The following MAML3 variants were observed in gnomAD, a reference collection of about 807,000 sequenced individuals.
MAML3 encodes mastermind-like protein 3.
In MAML3, 27 loss-of-function variants were observed where a neutral mutation model predicts 101.9. The ratio of observed to expected loss-of-function variants is 0.27; its 90% CI spans 0.20 to 0.37. The LOEUF is 0.37. Among genes scored for constraint, MAML3 ranks in the 10% least tolerant of loss-of-function variants. The probability of loss-of-function intolerance (pLI) is 1.00; values close to 1 mark genes in which losing one functional copy is unlikely to be tolerated. For missense variants in MAML3, 1,316 were observed against 1,444.9 expected (o/e 0.91, Z 1.45); for synonymous variants, 501 against 555.9 (o/e 0.90, Z 1.39).
At chr4:140,129,416 G>T (rs1169059961) in intron 1 of MAML3, among the ~76,000 whole-genome samples, 1 of 152,104 alleles carries the variant, frequency 6.6e-6, no homozygotes, top group Non-Finnish European at 1.5e-5. Context: ...TACCTTCTTT[G>T]CATGAGACAC....
At chr4:139,853,787 G>A (rs1007646418) in intron 2 of MAML3, among the ~76,000 whole-genome samples, 2 of 152,018 alleles carry the variant, frequency 1.3e-5, no homozygotes, top group Admixed American at 1.3e-4. Context: ...TACCAGCTAT[G>A]AGCAGCTATG....
chr4:139,958,727 A>G (rs1175788214), intron 1 of MAML3, among the ~76,000 whole-genome samples: 1 of 152,192 alleles, frequency 6.6e-6, no homozygotes, highest in Non-Finnish European at 1.5e-5. Flanking sequence ...TCTGTGGTCC[A>G]TAGAACTCCA....
intron 1 of MAML3, among the ~76,000 whole-genome samples, chr4:139,975,474 CCTT>C (rs1479544994): frequency 6.6e-6 from 1 of 152,162 alleles, no homozygotes; most frequent in Non-Finnish European, 1.5e-5. Context: ...CCATATACCT[CCTT>C]ATCTCCCTTC....
chr4:139,732,098 C>G (rs146956284), intron 2 of MAML3, among the ~76,000 whole-genome samples: 28 of 152,280 alleles, frequency 1.8e-4, no homozygotes, highest in South Asian at 1.0e-3. Context: ...ATTATGAGAC[C>G]TAAATAGCAA....
chr4:139,891,480 G>T (rs563713483), intron 1 of MAML3, among the ~76,000 whole-genome samples: 103 of 152,222 alleles, frequency 6.8e-4, no homozygotes, highest in African/African-American at 2.4e-3. Flanking sequence ...GTTTCACCCT[G>T]TTGGCTAGGC....
chr4:139,858,795 C>G (rs762920538), intron 2 of MAML3, among the ~76,000 whole-genome samples: 1 of 152,096 alleles, frequency 6.6e-6, no homozygotes, highest in African/African-American at 2.4e-5. Context: ...ACTAACCCTG[C>G]GAACACATCC....
At chr4:139,803,617 AAAG>A (rs1283107996) in intron 2 of MAML3, among the ~76,000 whole-genome samples, 1 of 152,168 alleles carries the variant, frequency 6.6e-6, no homozygotes, top group Non-Finnish European at 1.5e-5. Context: ...GTGGCAGCTG[AAAG>A]TTACTAATAC....
intron 1 of MAML3, among the ~76,000 whole-genome samples, chr4:140,089,286 T>A (rs1210861770): frequency 2.6e-5 from 4 of 152,192 alleles, no homozygotes; most frequent in Non-Finnish European, 5.9e-5. Flanking sequence ...AAGGCTTAGT[T>A]TGCTTGATCA....
intron 1 of MAML3, among the ~76,000 whole-genome samples, chr4:139,918,757 A>G (rs1451510902): frequency 6.6e-6 from 1 of 152,172 alleles, no homozygotes; most frequent in Non-Finnish European, 1.5e-5. Flanking sequence ...GGAATGAAAG[A>G]ATAAGTGATT....
intron 1 of MAML3, among the ~76,000 whole-genome samples, chr4:140,039,670 A>G (rs1727048647): frequency 6.6e-6 from 1 of 152,166 alleles, no homozygotes; most frequent in African/African-American, 2.4e-5. Context: ...ACTGCCCTGC[A>G]ATGCTGTCTG....
chr4:139,851,382 C>T (rs192124272), intron 2 of MAML3, among the ~76,000 whole-genome samples: 6 of 152,354 alleles, frequency 3.9e-5, no homozygotes, highest in East Asian at 1.9e-4. Context: ...AAGGCCAGCT[C>T]CTATTGGCTC....
At chr4:140,148,941 G>C (rs1346852795) in intron 1 of MAML3, among the ~76,000 whole-genome samples, 2 of 152,270 alleles carry the variant, frequency 1.3e-5, no homozygotes, top group Middle Eastern at 3.4e-3. Context: ...ACAGTGAAGA[G>C]GTCATGAAAA....
chr4:140,029,932 A>G (rs1158487432), intron 1 of MAML3, among the ~76,000 whole-genome samples: 2 of 152,204 alleles, frequency 1.3e-5, no homozygotes, highest in Admixed American at 6.5e-5. Context: ...TGAAGATGAA[A>G]TAAGTTGGGT....
chr4:140,151,505 C>T (rs564542921), intron 1 of MAML3, among the ~76,000 whole-genome samples: 1 of 152,240 alleles, frequency 6.6e-6, no homozygotes, highest in African/African-American at 2.4e-5. Flanking sequence ...ACCACCCCGG[C>T]GCCGGGGACT....
chr4:140,087,249 C>T (rs1020908766), intron 1 of MAML3, among the ~76,000 whole-genome samples: 2 of 152,172 alleles, frequency 1.3e-5, no homozygotes, highest in Non-Finnish European at 2.9e-5. Context: ...GTGATGTTCT[C>T]TTTTACTAGT....
intron 1 of MAML3, among the ~76,000 whole-genome samples, chr4:140,021,767 G>C (rs530101168): frequency 7.2e-5 from 11 of 152,046 alleles, no homozygotes; most frequent in African/African-American, 2.7e-4. Context: ...TCCGCTTCCT[G>C]GTGCCACTGA....
rs1260890151 is a variant in MAML3 at position 140,153,457 on chromosome 4, G to A, written c.-130C>T. 2 of 1,111,208 alleles carry A rather than the reference G, an allele frequency of 1.8e-6. No individual in the cohort carries two copies. The highest frequency in any genetic ancestry group is 8.2e-5 in the Admixed American group (2 of 24,364). The allele number at this position is 1,111,208 out of a possible 1,614,324, so 68.8% of individuals were successfully genotyped here. ...GAGACGCAAGCACATGGATGGAAACGGCGATCCCGACGGGGCGAAAAAAAC... is the reference window on the plus strand; with the variant it reads ...GAGACGCAAGCACATGGATGGAAACAGCGATCCCGACGGGGCGAAAAAAAC... On this transcript the variant is annotated 5_prime_UTR_variant, in exon 1 of 5. Transcript: ENST00000509479.
chr4:139,760,783 T>G (rs1475746817), intron 2 of MAML3, among the ~76,000 whole-genome samples: 1 of 152,010 alleles, frequency 6.6e-6, no homozygotes, highest in African/African-American at 2.4e-5. Flanking sequence ...GAGGCTGGAG[T>G]GTATCCAGAA....
intron 1 of MAML3, among the ~76,000 whole-genome samples, chr4:140,077,656 G>T (rs1056772687): frequency 2.0e-4 from 31 of 152,164 alleles, no homozygotes; most frequent in African/African-American, 7.2e-4. Flanking sequence ...TTTGCACAGA[G>T]AACATAGAAG....
Sources: gnomAD v4.1 joint callset for allele counts (sites outside exome capture counted in the v4.1 genomes callset) on GRCh38, gnomAD v4.1.1 for gene constraint, MANE v1.5 for transcripts, NCBI Gene and HGNC (gene_info 2026-07-23, HGNC 2026-07-21) for gene names.